Variants in QTRT2 observed in about 807,000 individuals in gnomAD.
QTRT2 encodes queuine tRNA-ribosyltransferase domain containing 1.
In QTRT2, 32 loss-of-function variants were observed where a neutral mutation model predicts 44.8. The ratio of observed to expected loss-of-function variants is 0.71; its 90% CI spans 0.54 to 0.96. The LOEUF (loss-of-function observed/expected upper bound fraction) is 0.96, where lower values mean the gene tolerates loss of function less well. QTRT2 is among the 40% of genes least tolerant of loss of function. The pLI, the probability that QTRT2 is intolerant of heterozygous loss-of-function variation, is 0.00. For missense variants in QTRT2, 461 were observed against 503.1 expected, an observed-to-expected ratio of 0.92 and a Z score of 0.80; for synonymous variants, 182 against 187.4, an observed-to-expected ratio of 0.97 and a Z score of 0.24.
chr3:114,060,495 G>GATA (rs1559946002), intron 2 of QTRT2, among the ~76,000 whole-genome samples: 337 of 133,880 alleles, frequency 2.5e-3, no homozygotes, highest in African/African-American at 9.0e-3. Flanking sequence ...TAGGTAGGTA[G>GATA]GTAGATAGAT....
intron 6 of QTRT2, among the ~76,000 whole-genome samples, chr3:114,076,098 A>G (rs1156812356): frequency 6.6e-6 from 1 of 152,174 alleles, no homozygotes; most frequent in African/African-American, 2.4e-5. Context: ...AGGCCTGGAT[A>G]GTCATTTCAC....
chr3:114,063,896 A>C (rs977950249), intron 2 of QTRT2, among the ~76,000 whole-genome samples: 8 of 152,166 alleles, frequency 5.3e-5, no homozygotes, highest in Non-Finnish European at 1.0e-4. Context: ...TGACTTTCAG[A>C]GTATGGTATG....
intron 7 of QTRT2, chr3:114,079,538 CAAA>C (rs202013962): frequency 1.3e-5 from 2 of 158,280 alleles, no homozygotes; most frequent in Non-Finnish European, 1.3e-5. Flanking sequence ...GACTCCCTCT[CAAA>C]AAAAAAAAAG....
Position 114,070,826 on chromosome 3 carries a change from G to A in QTRT2, c.534G>A (p.Gln178=), listed in dbSNP as rs965380136. ...TCTTGGATAACTGTCTGCGGCTGCAGGAAGAGTCAGAGGTAAGGCTGTGCC... is the reference window on the plus strand; with the variant it reads ...TCTTGGATAACTGTCTGCGGCTGCAAGAAGAGTCAGAGGTAAGGCTGTGCC... ...LLFLDNCLRL[Q]EESEVLQKSV... Residue 178 remains glutamine, a synonymous_variant, in exon 6 of 10, where the codon CAG becomes CAA. Coordinates refer to ENST00000281273, the MANE Select transcript of QTRT2 (RefSeq NM_024638.4). 1.9e-6 allele frequency: 3 copies of A among 1,613,550 alleles called. No homozygotes were observed. The African/African-American group carries it at 4.0e-5, about 22-fold the overall frequency.
chr3:114,084,580 C>T (rs1249729368), intron 9 of QTRT2, among the ~76,000 whole-genome samples: 1 of 152,180 alleles, frequency 6.6e-6, no homozygotes, highest in East Asian at 1.9e-4. Context: ...GAACAAGACC[C>T]TGTTCCCCCC....
intron 8 of QTRT2, 171 bp from the exon 9 acceptor site, chr3:114,082,506 G>A: frequency 2.3e-6 from 1 of 430,532 alleles, no homozygotes; most frequent in Admixed American, 4.2e-5. Flanking sequence ...GACGGTGACA[G>A]TCTTGGAGCA....
chr3:114,062,368 CAAAAAAAAAA>C (rs143192501), intron 2 of QTRT2, among the ~76,000 whole-genome samples: 1 of 86,180 alleles, frequency 1.2e-5, no homozygotes, highest in African/African-American at 4.5e-5. Flanking sequence ...GACCTTGTCT[CAAAAAAAAAA>C]AAAAAAAAAA....
intron 4 of QTRT2, among the ~76,000 whole-genome samples, chr3:114,066,815 G>T (rs2076959933): frequency 6.6e-6 from 1 of 152,106 alleles, no homozygotes. Context: ...ACTTGCATGG[G>T]GCATTCGTGA....
At chr3:114,059,978 G>A (rs1015753462) in intron 2 of QTRT2, among the ~76,000 whole-genome samples, 2 of 152,332 alleles carry the variant, frequency 1.3e-5, no homozygotes, top group South Asian at 2.1e-4. Flanking sequence ...TGGGATTAAA[G>A]CATTATATCA....
rs566491984 is a variant in QTRT2, at chr3:114,063,404, A to G, written c.-21-1833A>G. On this transcript the variant is annotated intron_variant, in intron 2 of 9. Transcript: ENST00000281273. ...TTCTACAGTATGCTTTTATTAGCTTATAAGTATAGTTTTACAGTTTTCTTA... is the reference window on the plus strand; with the variant it reads ...TTCTACAGTATGCTTTTATTAGCTTGTAAGTATAGTTTTACAGTTTTCTTA... Among the ~76,000 whole-genome samples, 5 of 152,332 alleles carry G rather than the reference A, an allele frequency of 3.3e-5. No individual in the cohort carries two copies. The South Asian group carries it at 1.0e-3, about 32-fold the overall frequency.
chr3:114,073,570 G>A (rs1333501441), intron 6 of QTRT2, among the ~76,000 whole-genome samples: 1 of 152,020 alleles, frequency 6.6e-6, no homozygotes, highest in African/African-American at 2.4e-5. Context: ...TGGTAGAGAT[G>A]GGGTTTCACT....
At chr3:114,082,207 CACACACA>C (rs1290910054) in intron 8 of QTRT2, among the ~76,000 whole-genome samples, 54 of 3,398 alleles carry the variant, frequency 0.016, no homozygotes, top group African/African-American at 0.021. Context: ...AACCCCACCA[CACACACA>C]CACACACACA....
At chr3:114,075,856 G>A (rs1559957829) in intron 6 of QTRT2, among the ~76,000 whole-genome samples, 1 of 152,056 alleles carries the variant, frequency 6.6e-6, no homozygotes, top group Non-Finnish European at 1.5e-5. Context: ...AGCTTGTTTA[G>A]GAAGGCATTC....
chr3:114,056,978 C>T, intron 1 of QTRT2, 21 bp from the exon 2 acceptor site: 1 of 1,463,232 alleles, frequency 6.8e-7, no homozygotes. Flanking sequence ...CCCGCCATGT[C>T]TCCTCTGCTT....
intron 5 of QTRT2, among the ~76,000 whole-genome samples, chr3:114,069,614 A>C (rs548626438): frequency 2.2e-4 from 33 of 152,322 alleles, no homozygotes; most frequent in Non-Finnish European, 4.4e-4. Context: ...CATGGTATAT[A>C]TGTACCACAT....
chr3:114,082,832 C>T (rs1174759848), intron 9 of QTRT2, 38 bp downstream of exon 9: 1 of 926,432 alleles, frequency 1.1e-6, no homozygotes, highest in Non-Finnish European at 1.7e-6. Context: ...TGCTTTCTGA[C>T]TTCTGAATTT....
At chr3:114,084,581 T>C (rs994513701) in intron 9 of QTRT2, among the ~76,000 whole-genome samples, 3 of 152,170 alleles carry the variant, frequency 2.0e-5, no homozygotes, top group Admixed American at 6.5e-5. Context: ...AACAAGACCC[T>C]GTTCCCCCCT....
At chr3:114,068,505 T>C (rs2076983459) in intron 5 of QTRT2, among the ~76,000 whole-genome samples, 1 of 152,296 alleles carries the variant, frequency 6.6e-6, no homozygotes, top group African/African-American at 2.4e-5. Context: ...AGAGATTTTG[T>C]CTAGTGAAGA....
At chr3:114,068,679 T>C (rs1391361378) in intron 5 of QTRT2, among the ~76,000 whole-genome samples, 1 of 152,272 alleles carries the variant, frequency 6.6e-6, no homozygotes, top group Non-Finnish European at 1.5e-5. Flanking sequence ...TATTTATTAA[T>C]TGTGCCCCTC....
Sources: gnomAD v4.1 joint callset for allele counts (sites outside exome capture counted in the v4.1 genomes callset) on GRCh38, gnomAD v4.1.1 for gene constraint, MANE v1.5 for transcripts, NCBI Gene and HGNC (gene_info 2026-07-23, HGNC 2026-07-21) for gene names.